FBXO34: variants seen among roughly 807,000 people sequenced by gnomAD.
The protein encoded by FBXO34 is F-box protein 34.
Under a neutral mutation model 24.5 loss-of-function variants are expected in FBXO34, and 12 were observed. The observed-to-expected ratio is 0.49, with a 90% CI of 0.31 to 0.79. The LOEUF is 0.79. Ranked by LOEUF, FBXO34 falls within the 30% of genes least tolerant of loss-of-function variation. The probability of loss-of-function intolerance (pLI) is 0.04; values close to 1 mark genes in which losing one functional copy is unlikely to be tolerated. For missense variants in FBXO34, 823 were observed against 857.7 expected, an observed-to-expected ratio of 0.96 and a Z score of 0.51; for synonymous variants, 320 against 311.9, an observed-to-expected ratio of 1.03 and a Z score of -0.27.
At chr14:55,313,303 C>T (rs1376035603) in intron 1 of FBXO34, among the ~76,000 whole-genome samples, 1 of 152,146 alleles carries the variant, frequency 6.6e-6, no homozygotes, top group East Asian at 1.9e-4. Flanking sequence ...CTGAGACCAC[C>T]TCATCCTGGA....
chr14:55,337,918 C>T (rs891400816), intron 1 of FBXO34, among the ~76,000 whole-genome samples: 1 of 152,046 alleles, frequency 6.6e-6, no homozygotes, highest in African/African-American at 2.4e-5. Flanking sequence ...GTGGTAAGAG[C>T]GTAGGCTTTG....
chr14:55,309,772 GTAA>G (rs1464772501), intron 1 of FBXO34, among the ~76,000 whole-genome samples: 5 of 152,112 alleles, frequency 3.3e-5, no homozygotes, highest in Non-Finnish European at 2.9e-5. Context: ...CTTCATATTT[GTAA>G]TAATTAGAAA....
chr14:55,382,810 C>A, the FBXO34 span, among the ~76,000 whole-genome samples: 1 of 152,090 alleles, frequency 6.6e-6, no homozygotes, highest in Non-Finnish European at 1.5e-5. Context: ...CACCTCTCTA[C>A]GTGTTTAAAA....
At chr14:55,329,447 A>G (rs1420485507) in intron 1 of FBXO34, among the ~76,000 whole-genome samples, 2 of 152,208 alleles carry the variant, frequency 1.3e-5, no homozygotes, top group Non-Finnish European at 2.9e-5. Context: ...TTAAAAATGC[A>G]TTCAATTGTT....
chr14:55,273,854 G>T (rs533324002), intron 1 of FBXO34, among the ~76,000 whole-genome samples: 10 of 152,264 alleles, frequency 6.6e-5, no homozygotes, highest in African/African-American at 1.9e-4. Context: ...CACCCAGGCT[G>T]GAGTGCAGTG....
At chr14:55,433,119 T>TG in the FBXO34 span, among the ~76,000 whole-genome samples, 4 of 151,958 alleles carry the variant, frequency 2.6e-5, no homozygotes, top group African/African-American at 9.7e-5. Flanking sequence ...AATGGGGATA[T>TG]GTCAGTATTT....
chr14:55,424,684 T>C, the FBXO34 span, among the ~76,000 whole-genome samples: 1 of 152,244 alleles, frequency 6.6e-6, no homozygotes, highest in Non-Finnish European at 1.5e-5. Context: ...TTTTAGCAGA[T>C]AGAACCTAAA....
chr14:55,351,061 G>A lies in FBXO34; in HGVS notation c.671G>A (p.Ser224Asn), dbSNP rs541406946. Residue 224 changes from serine (S) to asparagine (N), a missense_variant, in exon 2 of 2, where the codon AGC becomes AAC. Physicochemically the swap from Ser to Asn is conservative, Grantham distance 46. This residue lies in a region of FBXO34 where 693 missense variants were observed against 659.1 expected (regional missense o/e 1.05). Transcript: ENST00000313833. ...LEQRASALLA[S>N]CSKNCTNSPA... is the part of the protein sequence containing the mutation. Reference sequence around the variant, plus strand: ...CAAAGAGCCAGTGCTCTGCTAGCTAGCTGTTCAAAAAACTGCACAAACTCA... The same window carrying A: ...CAAAGAGCCAGTGCTCTGCTAGCTAACTGTTCAAAAAACTGCACAAACTCA... 4 of 1,614,230 alleles carry A rather than the reference G, an allele frequency of 2.5e-6. No individual in the cohort carries two copies. The highest frequency in any genetic ancestry group is 1.6e-4 in the Middle Eastern group (1 of 6,062).
intron 1 of FBXO34, among the ~76,000 whole-genome samples, chr14:55,274,686 T>G (rs1218894410): frequency 6.6e-6 from 1 of 152,188 alleles, no homozygotes; most frequent in Non-Finnish European, 1.5e-5. Flanking sequence ...GAATTTAAAT[T>G]CTTAAAAATT....
chr14:55,430,919 C>T, the FBXO34 span, among the ~76,000 whole-genome samples: 3 of 152,164 alleles, frequency 2.0e-5, no homozygotes, highest in Non-Finnish European at 4.4e-5. Context: ...TTGCATAGTC[C>T]TGTAGTTTCT....
At chr14:55,410,009 G>A in the FBXO34 span, among the ~76,000 whole-genome samples, 1 of 152,172 alleles carries the variant, frequency 6.6e-6, no homozygotes, top group African/African-American at 2.4e-5. Flanking sequence ...GATAAGTTTT[G>A]AAGAGTAGAT....
the FBXO34 span, among the ~76,000 whole-genome samples, chr14:55,418,278 C>T: frequency 3.3e-5 from 5 of 152,280 alleles, no homozygotes; most frequent in African/African-American, 4.8e-5. Context: ...TTGGTAGGCA[C>T]CCAAAATTTA....
chr14:55,381,926 C>A, the FBXO34 span: 12 of 1,558,016 alleles, frequency 7.7e-6, no homozygotes, highest in East Asian at 2.0e-4. Flanking sequence ...ATAACTCTCT[C>A]TATATATAGA....
At chr14:55,271,880 A>G (rs969970826) in intron 1 of FBXO34, 7 of 152,108 alleles carry the variant, frequency 4.6e-5, no homozygotes, top group African/African-American at 1.7e-4. Flanking sequence ...GCTCCCACTT[A>G]CGGGACCCAG....
At chr14:55,290,987 T>C (rs530449180) in intron 1 of FBXO34, among the ~76,000 whole-genome samples, 1 of 148,138 alleles carries the variant, frequency 6.8e-6, no homozygotes, top group East Asian at 2.0e-4. Context: ...GCCCACCTAG[T>C]TTTTTTTTTG....
Position 55,351,324 on chromosome 14 carries a change from G to A in FBXO34, c.934G>A (p.Val312Met). Reference protein sequence around the residue: ...LSRNNSFRRNVGRVLLANSTQ... With the variant: ...LSRNNSFRRNMGRVLLANSTQ... ...AAGGAATAACAGCTTCCGTCGAAAT[G>A]TGGGCAGAGTATTGCTTGCAAATAG... The change falls in exon 2 of 2, where the codon GTG becomes ATG. Residue 312 changes from valine (V) to methionine (M), a missense_variant. Val to Met is a conservative substitution (Grantham distance 21). Coordinates refer to ENST00000313833, the MANE Select transcript of FBXO34 (RefSeq NM_017943.4). 1 of 1,614,258 alleles carries A rather than the reference G, an allele frequency of 6.2e-7. No individual in the cohort carries two copies. Among genetic ancestry groups the A allele is most frequent in the South Asian group, 1.1e-5 (1 of 91,086 alleles).
At chr14:55,347,509 A>G (rs1884197638) in intron 1 of FBXO34, among the ~76,000 whole-genome samples, 1 of 152,066 alleles carries the variant, frequency 6.6e-6, no homozygotes, top group African/African-American at 2.4e-5. Flanking sequence ...GCAACCTTCA[A>G]CCAGTGAGGG....
At chr14:55,342,562 AG>A (rs1884026272) in intron 1 of FBXO34, among the ~76,000 whole-genome samples, 1 of 152,156 alleles carries the variant, frequency 6.6e-6, no homozygotes, top group African/African-American at 2.4e-5. Context: ...TTTTTAAAAA[AG>A]GCATGCTGTG....
chr14:55,422,270 G>A, the FBXO34 span, among the ~76,000 whole-genome samples: 1 of 152,166 alleles, frequency 6.6e-6, no homozygotes, highest in Non-Finnish European at 1.5e-5. Context: ...TTATGGTAGA[G>A]GAGAGTGAAA....
Sources: allele counts gnomAD v4.1 joint callset (sites outside exome capture counted in the v4.1 genomes callset), GRCh38; gene constraint gnomAD v4.1.1; regional missense constraint gnomAD v4.1.1; transcripts MANE v1.5; gene names NCBI Gene and HGNC (gene_info 2026-07-23, HGNC 2026-07-21).